Variants in TRAF3 observed in about 807,000 individuals in gnomAD.
The protein encoded by TRAF3 is TNF receptor associated factor 3.
TRAF3 carries 13 observed loss-of-function variants against 62.3 expected under a neutral mutation model. The ratio of observed to expected loss-of-function variants is 0.21; its 90% confidence interval spans 0.14 to 0.33. The LOEUF (loss-of-function observed/expected upper bound fraction) is 0.33, where lower values mean the gene tolerates loss of function less well. Ranked by LOEUF, TRAF3 falls within the 10% of genes least tolerant of loss-of-function variation. The pLI, the probability that TRAF3 is intolerant of heterozygous loss-of-function variation, is 1.00. For synonymous variants in TRAF3, 269 were observed against 283.4 expected, an observed-to-expected ratio of 0.95 and a Z score of 0.51; for missense variants, 440 against 741.8, an observed-to-expected ratio of 0.59 and a Z score of 4.73.
chr14:102,802,153 C>G (rs749977122), intron 1 of TRAF3, among the ~76,000 whole-genome samples: 3 of 117,084 alleles, frequency 2.6e-5, no homozygotes, highest in Non-Finnish European at 1.8e-5. Context: ...CACCTGGACT[C>G]ATTTTTTTTT....
At chr14:102,878,931 A>C (rs762892079) in intron 6 of TRAF3, among the ~76,000 whole-genome samples, 3 of 151,936 alleles carry the variant, frequency 2.0e-5, no homozygotes, top group Non-Finnish European at 4.4e-5. Flanking sequence ...GTGGAGCGGT[A>C]GGATTGGCCA....
At chr14:102,824,488 G>A (rs931435105) in intron 1 of TRAF3, among the ~76,000 whole-genome samples, 2 of 152,244 alleles carry the variant, frequency 1.3e-5, no homozygotes, top group Non-Finnish European at 2.9e-5. Flanking sequence ...GGCACCTAGA[G>A]TGAATATGAA....
intron 10 of TRAF3, among the ~76,000 whole-genome samples, 177 bp downstream of exon 10, chr14:102,897,578 G>A (rs1250487160): frequency 2.6e-5 from 4 of 152,116 alleles, no homozygotes; most frequent in Admixed American, 2.0e-4. Flanking sequence ...GCACAGGCCC[G>A]GCCTGGGAAG....
Position 102,826,289 on chromosome 14 carries a change from G to A in TRAF3, c.-156-4045G>A, listed in dbSNP as rs1900307642. Among the ~76,000 whole-genome samples the A allele has an allele frequency of 1.3e-5, 2 of 152,276 alleles. No homozygotes were observed. Among genetic ancestry groups the A allele is most frequent in the South Asian group, 4.1e-4 (2 of 4,822 alleles). ...GGAGCCGCCTCACAGAGGAACAAGT[G>A]AGTTGTGCGTGTGGAGCAGGTGGCT... On this transcript the variant is annotated intron_variant, in intron 1 of 11. Transcript: ENST00000392745. This position sits in a 1 kb window ranked among gnomAD's most constrained non-coding sequence, Gnocchi z 4.6.
chr14:102,876,965 A>C (rs1311323336), intron 6 of TRAF3, among the ~76,000 whole-genome samples: 1 of 146,544 alleles, frequency 6.8e-6, no homozygotes, highest in Non-Finnish European at 1.5e-5. Context: ...TTCATAGATA[A>C]TCCGTTCCAC....
chr14:102,885,193 G>A (rs1225092628), intron 6 of TRAF3, among the ~76,000 whole-genome samples: 1 of 152,216 alleles, frequency 6.6e-6, no homozygotes, highest in African/African-American at 2.4e-5. Flanking sequence ...ACCACGTTCC[G>A]AGGACGAGCT....
In TRAF3 at chr14:102,876,516, C is replaced by G. The variant is rs760550928; in HGVS notation, c.561C>G (p.Ile187Met). Residue 187 changes from isoleucine to methionine, a missense_variant, in exon 6 of 12, where the codon ATC becomes ATG. Ile to Met is a conservative substitution (Grantham distance 10). Transcript: ENST00000392745. ...CSHCKSQVPMIALQKHEDTDC... is the reference protein window; with the variant it reads ...CSHCKSQVPMMALQKHEDTDC... ...ACTGCAAGAGTCAGGTTCCGATGATCGCGCTGCAGGTGCGGGTCCTCCCAT... is the reference window on the plus strand; with the variant it reads ...ACTGCAAGAGTCAGGTTCCGATGATGGCGCTGCAGGTGCGGGTCCTCCCAT... The G allele has an allele frequency of 6.2e-7, 1 of 1,613,650 alleles. No homozygotes were observed. Among genetic ancestry groups the G allele is most frequent in the Non-Finnish European group, 8.5e-7 (1 of 1,179,862 alleles).
chr14:102,792,525 G>T (rs4906265), intron 1 of TRAF3, among the ~76,000 whole-genome samples: 1 of 149,110 alleles, frequency 6.7e-6, no homozygotes. Context: ...TCCTGCCTCA[G>T]ACTCCCAAAA....
intron 1 of TRAF3, among the ~76,000 whole-genome samples, chr14:102,808,516 A>G (rs1898912579): frequency 6.6e-6 from 1 of 150,958 alleles, no homozygotes; most frequent in South Asian, 2.1e-4. Flanking sequence ...CCATCTCAAA[A>G]AAAAAAAAAA....
intron 1 of TRAF3, among the ~76,000 whole-genome samples, chr14:102,817,587 A>G (rs1899611917): frequency 6.6e-6 from 1 of 152,172 alleles, no homozygotes. Flanking sequence ...TGGGAGGAGG[A>G]GAAAATACCA....
At chr14:102,822,722 C>G (rs1450775631) in intron 1 of TRAF3, among the ~76,000 whole-genome samples, 2 of 152,138 alleles carry the variant, frequency 1.3e-5, no homozygotes, top group Non-Finnish European at 2.9e-5. Context: ...GAAACACATG[C>G]TGGCCGGGCG....
chr14:102,803,424 G>A (rs1421568993), intron 1 of TRAF3, among the ~76,000 whole-genome samples: 5 of 152,128 alleles, frequency 3.3e-5, no homozygotes, highest in Non-Finnish European at 4.4e-5. Flanking sequence ...GTTACCTTCC[G>A]TGTGTCTCAG....
intron 6 of TRAF3, among the ~76,000 whole-genome samples, chr14:102,878,020 A>C (rs1888816012): frequency 1.3e-5 from 2 of 152,270 alleles, no homozygotes; most frequent in African/African-American, 4.8e-5. Flanking sequence ...ACTTTATTTC[A>C]GAATTAAGCT....
chr14:102,781,493 G>A (rs954157271), intron 1 of TRAF3, among the ~76,000 whole-genome samples: 1 of 152,242 alleles, frequency 6.6e-6, no homozygotes, highest in Admixed American at 6.5e-5. Flanking sequence ...AGGGGAAGGG[G>A]TGTAAATGTT....
chr14:102,849,843 G>C (rs976723063), intron 2 of TRAF3, among the ~76,000 whole-genome samples: 1 of 152,202 alleles, frequency 6.6e-6, no homozygotes, highest in Admixed American at 6.5e-5. Flanking sequence ...CTGTCTGTTC[G>C]TGATCTTTGC....
chr14:102,886,094 G>A lies in TRAF3; in HGVS notation c.571-95G>A. The A allele has an allele frequency of 1.0e-5, 11 of 1,102,498 alleles. 1 individual carries two copies. In the South Asian group the frequency reaches 1.3e-4, roughly 13 times the overall value. 68.3% of individuals were successfully genotyped at this position (1,102,498 alleles called of 1,614,324 possible). The stretch of plus-strand genomic sequence containing the variant: ...ATAACTTAGAGGACAGCGATGGTGA[G>A]CAGAGCCATTCCTGGGGGCCCCATG... On this transcript the variant is annotated intron_variant, in intron 6 of 11. Coordinates refer to ENST00000392745, the MANE Select transcript of TRAF3 (RefSeq NM_145725.3).
intron 2 of TRAF3, among the ~76,000 whole-genome samples, chr14:102,846,783 T>C (rs1402833660): frequency 1.3e-5 from 2 of 151,768 alleles, no homozygotes; most frequent in African/African-American, 4.8e-5. Context: ...ACCACTGCAC[T>C]CCAGCCTGGG....
In TRAF3 at chr14:102,855,318, C is replaced by T. The variant is rs564365511; in HGVS notation, c.-17-14867C>T. Among the ~76,000 whole-genome samples, 9 of 152,048 alleles carry T rather than the reference C, an allele frequency of 5.9e-5. No homozygotes were observed. In the East Asian group the frequency reaches 1.7e-3, roughly 29 times the overall value. On this transcript the variant is annotated intron_variant, in intron 2 of 11. Coordinates refer to ENST00000392745, the MANE Select transcript of TRAF3 (RefSeq NM_145725.3). ...TGTATACATGTGTTTCTTTGAGTAC[C>T]TTTTTTCAGTTATTTTGAGCATGTA...
intron 1 of TRAF3, among the ~76,000 whole-genome samples, chr14:102,822,452 A>C (rs1236640487): frequency 6.6e-6 from 1 of 152,194 alleles, no homozygotes; most frequent in East Asian, 1.9e-4. Context: ...GAATTTACCA[A>C]TCTGAGTAAC....
Sources: allele counts gnomAD v4.1 joint callset (sites outside exome capture counted in the v4.1 genomes callset), GRCh38; gene constraint gnomAD v4.1.1; non-coding constraint Gnocchi (gnomAD v3.1); transcripts MANE v1.5; gene names NCBI Gene and HGNC (gene_info 2026-07-23, HGNC 2026-07-21).